ASPRV1: variants seen among roughly 807,000 people sequenced by gnomAD.
ASPRV1 encodes aspartic peptidase retroviral like 1.
In ASPRV1, 7 loss-of-function variants were observed where a neutral mutation model predicts 11.0. The ratio of observed to expected loss-of-function variants is 0.64; its 90% CI spans 0.36 to 1.20. ASPRV1 has a LOEUF of 1.20. ASPRV1 is among the 50% of genes most tolerant of loss of function. The pLI is 0.02. For synonymous variants in ASPRV1, 136 were observed against 138.4 expected, an observed-to-expected ratio of 0.98 and a Z score of 0.12; for missense variants, 299 against 320.0, an observed-to-expected ratio of 0.93 and a Z score of 0.50.
chr2:69,944,903 G>A, the ASPRV1 span, among the ~76,000 whole-genome samples: 1 of 151,898 alleles, frequency 6.6e-6, no homozygotes, highest in Non-Finnish European at 1.5e-5. Flanking sequence ...TCTTGGTGGC[G>A]AACCCCGTGA....
At chr2:69,979,027 G>C in the ASPRV1 span, among the ~76,000 whole-genome samples, 7 of 152,094 alleles carry the variant, frequency 4.6e-5, no homozygotes, top group Non-Finnish European at 8.8e-5. Context: ...TGCAGGGGAC[G>C]TGTTTTTTGT....
the ASPRV1 span, chr2:69,941,756 C>G: frequency 2.0e-5 from 3 of 152,182 alleles, no homozygotes; most frequent in East Asian, 3.9e-4. Context: ...TCAAAATAAC[C>G]ATCTAGCAAT....
In ASPRV1 at chr2:69,960,822, G is replaced by A; in HGVS notation, c.615C>T (p.Leu205=). Residue 205 remains leucine (L), a synonymous_variant, in exon 1 of 1, where the codon CTC becomes CTT. Coordinates refer to ENST00000320256, the MANE Select transcript of ASPRV1 (RefSeq NM_152792.4). ...AGTCCAGGATAGCATTGTGGTCCTG[G>A]AGCACATCAGTGCCAATGATGGCTT... ...AEEAIIGTDV[L]QDHNAILDFE... is the part of the protein sequence containing the mutation. The A allele has an allele frequency of 1.9e-6, 3 of 1,614,124 alleles. No individual in the cohort carries two copies. Among genetic ancestry groups the A allele is most frequent in the Non-Finnish European group, 2.5e-6 (3 of 1,180,016 alleles).
chr2:70,032,102 G>A, the ASPRV1 span: 1 of 152,176 alleles, frequency 6.6e-6, no homozygotes, highest in Non-Finnish European at 1.5e-5. Context: ...GAAGGATGTG[G>A]TACCCAAAAG....
At chr2:69,946,416 C>G in the ASPRV1 span, among the ~76,000 whole-genome samples, 1 of 152,202 alleles carries the variant, frequency 6.6e-6, no homozygotes, top group Admixed American at 6.5e-5. Context: ...ATCTGGGACT[C>G]TGCTGACCCG....
the ASPRV1 span, among the ~76,000 whole-genome samples, chr2:69,979,306 T>C: frequency 6.9e-3 from 1,056 of 152,320 alleles, 12 homozygotes; most frequent in African/African-American, 0.024. Context: ...GTGCTGGGAT[T>C]ATAGGTGTGA....
the ASPRV1 span, among the ~76,000 whole-genome samples, chr2:69,979,809 T>C: frequency 6.6e-6 from 1 of 152,202 alleles, no homozygotes; most frequent in East Asian, 1.9e-4. Flanking sequence ...CCACCTGGGT[T>C]GGTGGACTAA....
At chr2:70,025,859 A>G in the ASPRV1 span, among the ~76,000 whole-genome samples, 1 of 152,240 alleles carries the variant, frequency 6.6e-6, no homozygotes, top group Non-Finnish European at 1.5e-5. Context: ...GCATTAATGG[A>G]CACAATGGGT....
the ASPRV1 span, chr2:69,937,198 C>T: frequency 6.2e-7 from 1 of 1,610,428 alleles, no homozygotes; most frequent in East Asian, 2.2e-5. Flanking sequence ...TTAGAGATCT[C>T]CCTGTGGGGC....
At chr2:70,017,102 T>C in the ASPRV1 span, among the ~76,000 whole-genome samples, 1 of 152,164 alleles carries the variant, frequency 6.6e-6, no homozygotes, top group African/African-American at 2.4e-5. Context: ...GCCATTCTCC[T>C]GCCTCAGCCT....
chr2:69,997,431 T>A, the ASPRV1 span, among the ~76,000 whole-genome samples: 1 of 152,086 alleles, frequency 6.6e-6, no homozygotes, highest in Non-Finnish European at 1.5e-5. Context: ...CCACTTCTCT[T>A]CCTGTAGTCC....
At chr2:69,955,680 T>C (rs1287161606), downstream of ASPRV1, among the ~76,000 whole-genome samples, 1 of 152,166 alleles carries the variant, frequency 6.6e-6, no homozygotes. Context: ...TGATTGGATG[T>C]TTGCAGGAGC....
the ASPRV1 span, among the ~76,000 whole-genome samples, chr2:69,992,857 G>A: frequency 1.3e-5 from 2 of 152,308 alleles, 1 homozygote; most frequent in South Asian, 4.1e-4. Context: ...TGCATTACAC[G>A]TGCATTACGT....
At chr2:70,033,285 A>ACACT in the ASPRV1 span, among the ~76,000 whole-genome samples, 4 of 147,890 alleles carry the variant, frequency 2.7e-5, no homozygotes, top group African/African-American at 1.0e-4. Flanking sequence ...AAACACACAC[A>ACACT]CACACACACA....
chr2:70,077,225 T>C, the ASPRV1 span: 1 of 152,152 alleles, frequency 6.6e-6, no homozygotes, highest in Non-Finnish European at 1.5e-5. Flanking sequence ...TCATTATCAA[T>C]CCCTTTAAGC....
At chr2:70,009,345 T>TA in the ASPRV1 span, among the ~76,000 whole-genome samples, 28 of 152,016 alleles carry the variant, frequency 1.8e-4, no homozygotes, top group African/African-American at 6.8e-4. Flanking sequence ...TTTATTTATT[T>TA]TAGAGATGGA....
the ASPRV1 span, chr2:69,998,015 C>T: frequency 1.3e-5 from 2 of 152,132 alleles, no homozygotes; most frequent in South Asian, 2.1e-4. Flanking sequence ...AGTCTCAGGG[C>T]TAGTGAGGGG....
At chr2:69,949,535 G>C in the ASPRV1 span, among the ~76,000 whole-genome samples, 1 of 152,154 alleles carries the variant, frequency 6.6e-6, no homozygotes, top group Admixed American at 6.5e-5. Flanking sequence ...AAAGCAATTG[G>C]ACAGAAAACA....
At chr2:70,083,503 T>A in the ASPRV1 span, 1 of 152,226 alleles carries the variant, frequency 6.6e-6, no homozygotes. Context: ...TAAACCTGAC[T>A]CACCTTCTTA....
Sources: gnomAD v4.1 joint callset for allele counts (sites outside exome capture counted in the v4.1 genomes callset) on GRCh38, gnomAD v4.1.1 for gene constraint, MANE v1.5 for transcripts, NCBI Gene and HGNC (gene_info 2026-07-23, HGNC 2026-07-21) for gene names.